Variants in OPCML observed in about 807,000 individuals in gnomAD.
OPCML encodes the protein opioid binding protein/cell adhesion molecule like.
In OPCML, 13 loss-of-function variants were observed where a neutral mutation model predicts 37.8. That is an observed-to-expected ratio of 0.34 (90% CI 0.22 to 0.55). The LOEUF is 0.55. Ranked by LOEUF, OPCML falls within the 20% of genes least tolerant of loss-of-function variation. OPCML has a pLI of 0.91. For synonymous variants in OPCML, 176 were observed against 168.8 expected (o/e 1.04, Z -0.33); for missense variants, 341 against 435.6 (o/e 0.78, Z 1.93).
At chr11:133,260,879 T>C (rs1286402474) in intron 1 of OPCML, among the ~76,000 whole-genome samples, 3 of 152,042 alleles carry the variant, frequency 2.0e-5, no homozygotes, top group Non-Finnish European at 4.4e-5. Context: ...ATAGATTTTT[T>C]TTTTTCTGAA....
intron 2 of OPCML, among the ~76,000 whole-genome samples, chr11:132,717,005 A>T (rs1300413111): frequency 6.6e-6 from 1 of 152,188 alleles, no homozygotes; most frequent in East Asian, 1.9e-4. Context: ...TTCCTTACTC[A>T]TGAGCAAATA....
chr11:132,665,219 G>C (rs1203742124), intron 2 of OPCML, among the ~76,000 whole-genome samples: 1 of 152,170 alleles, frequency 6.6e-6, no homozygotes, highest in Non-Finnish European at 1.5e-5. Flanking sequence ...GGAGGTTGCA[G>C]GCTTTCCTGA....
chr11:133,283,839 T>G (rs1942226840), intron 1 of OPCML, among the ~76,000 whole-genome samples: 1 of 152,222 alleles, frequency 6.6e-6, no homozygotes, highest in Admixed American at 6.5e-5. Flanking sequence ...TTCTAGTCTG[T>G]GCTCAGCTCC....
At chr11:133,279,021 C>A (rs1047690236) in intron 1 of OPCML, among the ~76,000 whole-genome samples, 16 of 152,170 alleles carry the variant, frequency 1.1e-4, no homozygotes, top group African/African-American at 3.9e-4. Flanking sequence ...CAAATGCTAG[C>A]GCTTAAACCT....
chr11:132,570,804 T>TATAGAGAGAGAGAGAGAGAGAG (rs2096436416), intron 3 of OPCML, among the ~76,000 whole-genome samples: 8 of 90,762 alleles, frequency 8.8e-5, no homozygotes, highest in African/African-American at 2.0e-4. Context: ...TATATATATT[T>TATAGAGAGAGAGAGAGAGAGAG]AGAGAGAGAG....
chr11:133,157,404 C>A (rs892090109), intron 1 of OPCML, among the ~76,000 whole-genome samples: 3 of 152,190 alleles, frequency 2.0e-5, no homozygotes, highest in Non-Finnish European at 4.4e-5. Flanking sequence ...AGAGGGGACA[C>A]AACGTCAGCT....
intron 1 of OPCML, among the ~76,000 whole-genome samples, chr11:133,363,847 C>T (rs1944477075): frequency 6.6e-6 from 1 of 152,146 alleles, no homozygotes; most frequent in Non-Finnish European, 1.5e-5. Flanking sequence ...GGTCACTTGT[C>T]TCTGTTGGTT....
intron 2 of OPCML, among the ~76,000 whole-genome samples, chr11:132,939,834 A>T (rs1427733868): frequency 1.3e-5 from 2 of 152,172 alleles, no homozygotes; most frequent in African/African-American, 4.8e-5. Flanking sequence ...AACATTTTCA[A>T]CCCAACAGCA....
intron 2 of OPCML, among the ~76,000 whole-genome samples, chr11:132,939,214 G>C (rs1419510839): frequency 6.6e-6 from 1 of 152,184 alleles, no homozygotes; most frequent in Non-Finnish European, 1.5e-5. Flanking sequence ...CTGAAGGTAG[G>C]TGCAAAGTAC....
chr11:132,698,988 A>G (rs1943705589), intron 2 of OPCML, among the ~76,000 whole-genome samples: 1 of 152,094 alleles, frequency 6.6e-6, no homozygotes, highest in African/African-American at 2.4e-5. Flanking sequence ...AATTTTTCCA[A>G]TTCAGGAACA....
At chr11:132,803,780 A>G (rs575776172) in intron 2 of OPCML, among the ~76,000 whole-genome samples, 2 of 152,346 alleles carry the variant, frequency 1.3e-5, no homozygotes, top group African/African-American at 4.8e-5. Flanking sequence ...TAGGCATTCA[A>G]TTAATCTGTG....
chr11:132,898,514 A>G (rs1337952952), intron 2 of OPCML, among the ~76,000 whole-genome samples: 1 of 152,180 alleles, frequency 6.6e-6, no homozygotes, highest in Non-Finnish European at 1.5e-5. Context: ...GCTTGACAGA[A>G]CAATAAAATG....
At chr11:133,169,425 G>A (rs1950258727) in intron 1 of OPCML, among the ~76,000 whole-genome samples, 1 of 152,146 alleles carries the variant, frequency 6.6e-6, no homozygotes, top group Non-Finnish European at 1.5e-5. Context: ...ATGATTATTA[G>A]GCACTAATCT....
chr11:132,777,798 G>GTACCTT (rs1317726881), intron 2 of OPCML, among the ~76,000 whole-genome samples: 2 of 152,116 alleles, frequency 1.3e-5, no homozygotes, highest in Non-Finnish European at 2.9e-5. Context: ...GTTTGAATCT[G>GTACCTT]GTCTCACACC....
intron 4 of OPCML, among the ~76,000 whole-genome samples, chr11:132,523,995 C>T (rs2096301264): frequency 6.6e-6 from 1 of 152,146 alleles, no homozygotes; most frequent in Middle Eastern, 3.2e-3. Context: ...AGGAAGGAAG[C>T]CTTTGTTATT....
intron 7 of OPCML, among the ~76,000 whole-genome samples, chr11:132,433,487 A>G (rs928780826): frequency 6.6e-6 from 1 of 152,236 alleles, no homozygotes; most frequent in Non-Finnish European, 1.5e-5. Context: ...TAATGTCCCA[A>G]TAGCATATAT....
intron 1 of OPCML, among the ~76,000 whole-genome samples, chr11:133,285,608 G>A (rs1387269437): frequency 3.3e-5 from 5 of 152,208 alleles, no homozygotes; most frequent in Non-Finnish European, 7.3e-5. Flanking sequence ...TAGGGAAGGA[G>A]TGCTACGTCT....
intron 1 of OPCML, among the ~76,000 whole-genome samples, chr11:133,325,098 T>C (rs1943417013): frequency 6.6e-6 from 1 of 152,198 alleles, no homozygotes; most frequent in African/African-American, 2.4e-5. Flanking sequence ...TTGGCCTCAG[T>C]CCTTGGCAGT....
intron 1 of OPCML, among the ~76,000 whole-genome samples, chr11:133,124,515 C>G (rs1234436892): frequency 1.3e-5 from 2 of 152,120 alleles, no homozygotes; most frequent in Non-Finnish European, 2.9e-5. Context: ...CACAAGGGTC[C>G]CTCAACAGTG....
Sources: allele counts gnomAD v4.1 joint callset (sites outside exome capture counted in the v4.1 genomes callset), GRCh38; gene constraint gnomAD v4.1.1; transcripts MANE v1.5; gene names NCBI Gene and HGNC (gene_info 2026-07-23, HGNC 2026-07-21).